Variants in GPC5 observed in about 807,000 individuals in gnomAD.
GPC5 encodes glypican 5.
A neutral mutation model predicts 53.9 loss-of-function variants in GPC5; 47 were observed. The ratio of observed to expected loss-of-function variants is 0.87; its 90% CI spans 0.69 to 1.11. The LOEUF (loss-of-function observed/expected upper bound fraction) is 1.11. Ranked by LOEUF, GPC5 falls within the 50% of genes most tolerant of loss-of-function variation. The pLI, the probability that GPC5 is intolerant of heterozygous loss-of-function variation, is 0.00. For synonymous variants in GPC5, 286 were observed against 263.3 expected (o/e 1.09, Z -0.84); for missense variants, 748 against 713.1 (o/e 1.05, Z -0.56).
At chr13:92,119,545 C>T (rs190758599) in intron 6 of GPC5, among the ~76,000 whole-genome samples, 313 of 145,870 alleles carry the variant, frequency 2.1e-3, no homozygotes, top group Middle Eastern at 7.0e-3. Flanking sequence ...GACTACAAGG[C>T]GCCCGCCACC....
At chr13:92,383,718 C>T (rs1173608768) in intron 7 of GPC5, among the ~76,000 whole-genome samples, 3 of 152,148 alleles carry the variant, frequency 2.0e-5, no homozygotes, top group Non-Finnish European at 2.9e-5. Flanking sequence ...CTTTCAAGCA[C>T]ATGAGAAAGA....
chr13:92,699,741 A>T (rs765984330), intron 7 of GPC5, among the ~76,000 whole-genome samples: 5 of 152,070 alleles, frequency 3.3e-5, no homozygotes, highest in East Asian at 1.9e-4. Flanking sequence ...TGCAATTTTG[A>T]GTGAGTTTCT....
intron 7 of GPC5, among the ~76,000 whole-genome samples, chr13:92,265,223 AT>A: frequency 6.6e-6 from 1 of 152,052 alleles, no homozygotes; most frequent in East Asian, 1.9e-4. Context: ...CAGGGTGAGA[AT>A]TTTCCAAATT....
At chr13:92,055,168 T>C (rs188303960) in intron 6 of GPC5, among the ~76,000 whole-genome samples, 112 of 152,302 alleles carry the variant, frequency 7.4e-4, no homozygotes, top group Admixed American at 5.0e-3. Flanking sequence ...ATGTTGCAAG[T>C]AATGTTAAAA....
chr13:92,838,375 T>A (rs1318211628), intron 7 of GPC5, among the ~76,000 whole-genome samples: 2 of 151,056 alleles, frequency 1.3e-5, no homozygotes, highest in Non-Finnish European at 2.9e-5. Context: ...TCCCAGCTAC[T>A]CAGGAGGCTG....
intron 7 of GPC5, among the ~76,000 whole-genome samples, chr13:92,249,158 T>C (rs2042674641): frequency 6.6e-6 from 1 of 152,140 alleles, no homozygotes; most frequent in South Asian, 2.1e-4. Context: ...GCATTTAACC[T>C]TTTTTGTATT....
At chr13:92,663,628 C>CTATATA (rs1886429783) in intron 7 of GPC5, among the ~76,000 whole-genome samples, 3 of 79,664 alleles carry the variant, frequency 3.8e-5, no homozygotes, top group Non-Finnish European at 6.3e-5. Context: ...TATATATATA[C>CTATATA]TATATATACA....
chr13:92,351,182 G>A (rs904524049), intron 7 of GPC5, among the ~76,000 whole-genome samples: 17 of 151,286 alleles, frequency 1.1e-4, no homozygotes, highest in African/African-American at 2.4e-4. Flanking sequence ...CAAAATATAC[G>A]TTTTTCTATT....
At chr13:91,973,346 G>C (rs1240562929) in intron 6 of GPC5, among the ~76,000 whole-genome samples, 2 of 152,110 alleles carry the variant, frequency 1.3e-5, no homozygotes, top group African/African-American at 4.8e-5. Flanking sequence ...CTCTGCATTA[G>C]TTATTCTAGT....
At chr13:91,606,404 GTCTAAAATTCTCTTT>G in intron 2 of GPC5, among the ~76,000 whole-genome samples, 1 of 150,966 alleles carries the variant, frequency 6.6e-6, no homozygotes, top group Middle Eastern at 3.4e-3. Flanking sequence ...AAGGATATTG[GTCTAAAATTCTCTTT>G]TATTGTTGTG....
chr13:91,653,621 A>C (rs1035088291), intron 2 of GPC5, among the ~76,000 whole-genome samples: 1 of 152,120 alleles, frequency 6.6e-6, no homozygotes, highest in Admixed American at 6.6e-5. Flanking sequence ...AAACATAATC[A>C]ATCAAAGAAT....
intron 7 of GPC5, among the ~76,000 whole-genome samples, chr13:92,726,841 C>T (rs956784145): frequency 2.0e-5 from 3 of 151,450 alleles, no homozygotes; most frequent in Non-Finnish European, 4.4e-5. Context: ...ATAATAAGTA[C>T]TCGTTCTGAA....
intron 7 of GPC5, among the ~76,000 whole-genome samples, chr13:92,660,891 TA>T (rs2139185260): frequency 6.6e-6 from 1 of 152,226 alleles, no homozygotes; most frequent in Non-Finnish European, 1.5e-5. Context: ...ATTGAATTTT[TA>T]TTTTTTTAAT....
At chr13:91,637,411 A>C (rs2034311335) in intron 2 of GPC5, among the ~76,000 whole-genome samples, 1 of 152,196 alleles carries the variant, frequency 6.6e-6, no homozygotes, top group Admixed American at 6.5e-5. Flanking sequence ...AAAATGTTAA[A>C]TGTTTTCCAG....
At chr13:92,211,599 C>T (rs559315600) in intron 7 of GPC5, among the ~76,000 whole-genome samples, 5 of 152,326 alleles carry the variant, frequency 3.3e-5, no homozygotes, top group Admixed American at 6.5e-5. Flanking sequence ...GCAGCAACAT[C>T]GTCTGGGGAC....
intron 7 of GPC5, among the ~76,000 whole-genome samples, chr13:92,420,302 C>A (rs1056680528): frequency 2.6e-5 from 4 of 151,972 alleles, no homozygotes; most frequent in Admixed American, 2.0e-4. Context: ...AAGTATTCTT[C>A]TAAGAGAATT....
chr13:92,031,606 A>G (rs1412007875), intron 6 of GPC5, among the ~76,000 whole-genome samples: 1 of 142,554 alleles, frequency 7.0e-6, no homozygotes, highest in African/African-American at 2.6e-5. Context: ...ACAATTTGCA[A>G]TTGCAAAAAT....
intron 4 of GPC5, among the ~76,000 whole-genome samples, chr13:91,746,563 G>C (rs534836123): frequency 6.6e-6 from 1 of 152,272 alleles, no homozygotes; most frequent in East Asian, 1.9e-4. Context: ...GTTCCTGTGA[G>C]ATGAGGACAT....
intron 7 of GPC5, among the ~76,000 whole-genome samples, chr13:92,498,372 C>T (rs1880056616): frequency 6.6e-6 from 1 of 152,014 alleles, no homozygotes; most frequent in South Asian, 2.1e-4. Flanking sequence ...GGCATTTTTC[C>T]CTTTCCAGTC....
Sources: gnomAD v4.1 joint callset for allele counts (sites outside exome capture counted in the v4.1 genomes callset) on GRCh38, gnomAD v4.1.1 for gene constraint, MANE v1.5 for transcripts, NCBI Gene and HGNC (gene_info 2026-07-23, HGNC 2026-07-21) for gene names.